The following PSMA8 variants were observed in gnomAD, a reference collection of about 807,000 sequenced individuals.
PSMA8 encodes proteasome 20S subunit alpha 8.
In PSMA8, 18 loss-of-function variants were observed where a neutral mutation model predicts 32.4. The observed-to-expected ratio is 0.56, with a 90% CI of 0.38 to 0.82. The LOEUF (loss-of-function observed/expected upper bound fraction) is 0.82, where lower values mean the gene tolerates loss of function less well. PSMA8 is among the 40% of genes least tolerant of loss of function. The pLI, the probability that PSMA8 is intolerant of heterozygous loss-of-function variation, is 0.00. For synonymous variants in PSMA8, 104 were observed against 98.1 expected, an observed-to-expected ratio of 1.06 and a Z score of -0.36; for missense variants, 298 against 300.7, an observed-to-expected ratio of 0.99 and a Z score of 0.07.
intron 4 of PSMA8, among the ~76,000 whole-genome samples, chr18:26,170,018 C>T (rs1204346270): frequency 4.2e-5 from 4 of 95,096 alleles, no homozygotes; most frequent in African/African-American, 2.7e-4. Flanking sequence ...AGGAGGGGGG[C>T]GGGATCAATA....
intron 1 of PSMA8, among the ~76,000 whole-genome samples, chr18:26,140,403 C>T (rs73405463): frequency 6.6e-6 from 1 of 152,346 alleles, no homozygotes; most frequent in African/African-American, 2.4e-5. Flanking sequence ...TCTCTCTGCA[C>T]TGTGTTGCTG....
intron 1 of PSMA8, among the ~76,000 whole-genome samples, 180 bp from the exon 2 acceptor site, chr18:26,144,379 G>C (rs941155678): frequency 2.0e-5 from 3 of 152,124 alleles, no homozygotes; most frequent in African/African-American, 7.2e-5. Flanking sequence ...CTTGCTTTGA[G>C]TCTGGGGAAT....
intron 3 of PSMA8, among the ~76,000 whole-genome samples, chr18:26,155,529 A>G (rs905269001): frequency 6.6e-6 from 1 of 152,236 alleles, no homozygotes; most frequent in Non-Finnish European, 1.5e-5. Flanking sequence ...TTCAGCAGAA[A>G]TGTCAGAAAC....
intron 1 of PSMA8, among the ~76,000 whole-genome samples, chr18:26,141,956 G>A (rs780297251): frequency 2.0e-5 from 3 of 151,388 alleles, no homozygotes; most frequent in Non-Finnish European, 4.4e-5. Flanking sequence ...AAAATGCTGG[G>A]ATTACAGGCA....
At chr18:26,172,686 T>TA (rs1046353288) in intron 4 of PSMA8, among the ~76,000 whole-genome samples, 78 of 148,190 alleles carry the variant, frequency 5.3e-4, no homozygotes, top group South Asian at 8.6e-4. Context: ...TACATTCTCT[T>TA]AAAAAAAAAA....
intron 1 of PSMA8, among the ~76,000 whole-genome samples, chr18:26,139,032 C>T (rs762891835): frequency 3.9e-5 from 6 of 152,150 alleles, no homozygotes; most frequent in Non-Finnish European, 5.9e-5. Context: ...GTGATCCCCA[C>T]CTTGTGGTGG....
chr18:26,157,315 G>A (rs978619041), intron 3 of PSMA8, among the ~76,000 whole-genome samples: 2 of 151,676 alleles, frequency 1.3e-5, no homozygotes, highest in Non-Finnish European at 2.9e-5. Context: ...CACTTTGGGA[G>A]GCCAGGGCAG....
chr18:26,171,091 G>A (rs2055216817), intron 4 of PSMA8: 4 of 1,559,266 alleles, frequency 2.6e-6, no homozygotes, highest in South Asian at 1.1e-5. Flanking sequence ...TTTAAAGGTC[G>A]ATTCTTCTCA....
intron 1 of PSMA8, among the ~76,000 whole-genome samples, chr18:26,135,451 A>G (rs918440964): frequency 6.6e-6 from 1 of 151,938 alleles, no homozygotes; most frequent in Non-Finnish European, 1.5e-5. Context: ...AACAGATGTA[A>G]GTGGTAAAAA....
chr18:26,142,862 C>T (rs1376572408), intron 1 of PSMA8, among the ~76,000 whole-genome samples: 3 of 152,162 alleles, frequency 2.0e-5, no homozygotes, highest in Admixed American at 2.0e-4. Context: ...AAGGCCCTAC[C>T]TCCTGATAGT....
intron 4 of PSMA8, among the ~76,000 whole-genome samples, chr18:26,165,037 C>T (rs1274773791): frequency 6.6e-6 from 1 of 152,080 alleles, no homozygotes; most frequent in African/African-American, 2.4e-5. Context: ...TCTGCCTCAG[C>T]CTCCCAAGTA....
At chr18:26,173,511 T>C (rs1309152384) in intron 4 of PSMA8, among the ~76,000 whole-genome samples, 1 of 152,042 alleles carries the variant, frequency 6.6e-6, no homozygotes, top group East Asian at 1.9e-4. Context: ...ATTATCTATC[T>C]CTCCCCCACT....
At chr18:26,180,405 T>A (rs977849710) in intron 6 of PSMA8, among the ~76,000 whole-genome samples, 7 of 152,174 alleles carry the variant, frequency 4.6e-5, no homozygotes, top group Admixed American at 6.5e-5. Context: ...TTGACATCAA[T>A]TTCCTACCCT....
At position 26,140,664 on chromosome 18, in the gene PSMA8, C is replaced by CT. The variant is rs368464167; in HGVS notation, c.103-3891dup. 2.4e-3 allele frequency among the ~76,000 whole-genome samples: 370 copies of CT among 152,210 alleles called. 2 individuals carry two copies. Among genetic ancestry groups the CT allele is most frequent in the African/African-American group, 8.7e-3 (361 of 41,520 alleles). On this transcript the variant is annotated intron_variant, in intron 1 of 6. Coordinates refer to ENST00000415576, the MANE Select transcript of PSMA8 (RefSeq NM_001025096.2). ...TTTCATAAATGAGGAATTATTGGTA[C>CT]TTTTATTTATTTAGAAAATGTTATA...
At chr18:26,158,096 T>C in intron 3 of PSMA8, 26 bp from the exon 4 acceptor site, 2 of 1,505,210 alleles carry the variant, frequency 1.3e-6, no homozygotes, top group Admixed American at 1.9e-5. Flanking sequence ...ATAGTTTTAT[T>C]CTAAAAATAC....
chr18:26,182,734 G>A (rs2055321488), intron 6 of PSMA8, among the ~76,000 whole-genome samples: 1 of 152,184 alleles, frequency 6.6e-6, no homozygotes, highest in South Asian at 2.1e-4. Context: ...GGAGGCCAAG[G>A]CAGAAGAATT....
Position 26,192,575 on chromosome 18 carries a change from T to C in PSMA8, c.*164T>C, listed in dbSNP as rs1598679959. 9 of 694,584 alleles carry C rather than the reference T, an allele frequency of 1.3e-5. No individual in the cohort carries two copies. The East Asian group carries it at 2.0e-4, about 15-fold the overall frequency. The allele number at this position is 694,584 out of a possible 1,614,324, so 43.0% of individuals were successfully genotyped here. A position where few individuals can be genotyped will look rare whatever the true frequency, so the allele number is the denominator to read the frequency against. On this transcript the variant is annotated 3_prime_UTR_variant, in exon 7 of 7. Coordinates refer to ENST00000415576, the MANE Select transcript of PSMA8 (RefSeq NM_001025096.2). Reference sequence around the variant, plus strand: ...CTGTGGCTGTCTTCATTCTATTACATAGTCAAACATAGGTTTATGTGAAGA... The same window carrying C: ...CTGTGGCTGTCTTCATTCTATTACACAGTCAAACATAGGTTTATGTGAAGA...
At chr18:26,171,432 T>TA in intron 4 of PSMA8, 1 of 981,832 alleles carries the variant, frequency 1.0e-6, no homozygotes, top group Non-Finnish European at 1.5e-6. Flanking sequence ...ATTAAATTTT[T>TA]AAAAAATTTT....
In PSMA8 at chr18:26,158,168, T is replaced by C; in HGVS notation, c.401T>C (p.Leu134Ser). 6.2e-7 allele frequency: 1 copy of C among 1,606,080 alleles called. No homozygotes were observed. The highest frequency in any genetic ancestry group is 1.1e-5 in the South Asian group (1 of 90,688). Residue 134 changes from leucine (L) to serine (S), a missense_variant, in exon 4 of 7, where the codon TTA becomes TCA. Leu to Ser is a moderately radical substitution (Grantham distance 145). Transcript: ENST00000415576. ...NGRRPFGISA[L>S]IVGFDDDGIS... ...CGAAGACCTTTTGGTATTTCTGCCT[T>C]AATTGTAGGTTTTGATGATGATGGT...
Sources: allele counts gnomAD v4.1 joint callset (sites outside exome capture counted in the v4.1 genomes callset), GRCh38; gene constraint gnomAD v4.1.1; transcripts MANE v1.5; gene names NCBI Gene and HGNC (gene_info 2026-07-23, HGNC 2026-07-21).